KCNQ1: variants seen among roughly 807,000 people sequenced by gnomAD.
KCNQ1 encodes the protein potassium voltage-gated channel subfamily KQT member 1.
A neutral mutation model predicts 72.4 loss-of-function variants in KCNQ1; 49 were observed. That is an observed-to-expected ratio of 0.68 (90% CI 0.54 to 0.86). The LOEUF (loss-of-function observed/expected upper bound fraction) is 0.86, where lower values mean the gene tolerates loss of function less well. Ranked by LOEUF, KCNQ1 falls within the 40% of genes least tolerant of loss-of-function variation. The probability of loss-of-function intolerance (pLI) is 0.00; values close to 1 mark genes in which losing one functional copy is unlikely to be tolerated. For missense variants in KCNQ1, 790 were observed against 945.1 expected (o/e 0.84, Z 2.15); for synonymous variants, 450 against 412.6 (o/e 1.09, Z -1.10).
intron 1 of KCNQ1, among the ~76,000 whole-genome samples, chr11:2,456,804 G>T (rs372109740): frequency 0.01 from 1,475 of 144,854 alleles, 33 homozygotes; most frequent in African/African-American, 0.032. Flanking sequence ...CCGGGCGTGG[G>T]GGTGGGCGCC....
At position 2,486,323 on chromosome 11, in the gene KCNQ1, T is replaced by C. The variant is rs1398995477; in HGVS notation, c.386+40839T>C. The stretch of plus-strand genomic sequence containing the variant: ...TTGGAGAATATCTCCTCAGCTCTTT[T>C]GCCCACTTCATTAAATTGAGAGGTT... On this transcript the variant is annotated intron_variant, in intron 1 of 15. Coordinates refer to ENST00000155840, the MANE Select transcript of KCNQ1 (RefSeq NM_000218.3). This position sits in a 1 kb window ranked among gnomAD's most constrained non-coding sequence, Gnocchi z 5.0. Among the ~76,000 whole-genome samples, 1 of 152,242 alleles carries C rather than the reference T, an allele frequency of 6.6e-6. No individual in the cohort carries two copies. Among genetic ancestry groups the C allele is most frequent in the Non-Finnish European group, 1.5e-5 (1 of 68,036 alleles).
Position 2,642,630 on chromosome 11 carries a change from G to T in KCNQ1, c.1394-19331G>T, listed in dbSNP as rs1049096120. The T allele has an allele frequency of 1.1e-4, 43 of 397,452 alleles. No homozygotes were observed. The highest frequency in any genetic ancestry group is 8.5e-4 in the African/African-American group (41 of 48,510). 24.6% of individuals were successfully genotyped at this position (397,452 alleles called of 1,614,324 possible). ...TCAAAAACCGATTTTGCATTTCATTGATCCTTTATATTTATTTAGTTTCTT... is the reference window on the plus strand; with the variant it reads ...TCAAAAACCGATTTTGCATTTCATTTATCCTTTATATTTATTTAGTTTCTT... On this transcript the variant is annotated intron_variant, in intron 10 of 15. Transcript: ENST00000155840. The surrounding 1 kb of genome is among the most constrained non-coding windows in gnomAD (Gnocchi z 4.3).
chr11:2,570,291 C>T (rs1295981731), intron 2 of KCNQ1, among the ~76,000 whole-genome samples: 3 of 151,410 alleles, frequency 2.0e-5, no homozygotes, highest in Non-Finnish European at 2.9e-5. Context: ...TGGCGTCGGA[C>T]GCCCTCTGGC....
At position 2,642,040 on chromosome 11, in the gene KCNQ1, T is replaced by A; in HGVS notation, c.1394-19921T>A. The A allele has an allele frequency of 2.5e-6, 1 of 398,344 alleles. No homozygotes were observed. Among genetic ancestry groups the A allele is most frequent in the Non-Finnish European group, 4.4e-6 (1 of 225,866 alleles). The allele number at this position is 398,344 out of a possible 1,614,324, so 24.7% of individuals were successfully genotyped here. On this transcript the variant is annotated intron_variant, in intron 10 of 15. Transcript: ENST00000155840. The surrounding 1 kb of genome is among the most constrained non-coding windows in gnomAD (Gnocchi z 4.3). ...TTTTAATGCTATAGCCTTATATTTT[T>A]AAATCAGGCAGTGTGATGCATCCAA...
chr11:2,653,980 C>T lies in KCNQ1; in HGVS notation c.1394-7981C>T, dbSNP rs753978151. 1.3e-5 allele frequency: 5 copies of T among 398,586 alleles called. No homozygotes were observed. The highest frequency in any genetic ancestry group is 2.2e-5 in the Non-Finnish European group (5 of 226,096). The allele number at this position is 398,586 out of a possible 1,614,324, so 24.7% of individuals were successfully genotyped here. A position where few individuals can be genotyped will look rare whatever the true frequency, so the allele number is the denominator to read the frequency against. ...GTGTCCACTCAAGCAAGGTATTTTC[C>T]TAAGCGGAACTGGGTGCCAGCTGTG... On this transcript the variant is annotated intron_variant, in intron 10 of 15. Transcript: ENST00000155840. This position sits in a 1 kb window ranked among gnomAD's most constrained non-coding sequence, Gnocchi z 5.3.
At chr11:2,777,642 G>A in intron 14 of KCNQ1, 3 of 587,664 alleles carry the variant, frequency 5.1e-6, no homozygotes, top group East Asian at 2.8e-5. Context: ...CCCCCAGCCT[G>A]GAGTCAGGCC....
chr11:2,700,452 G>A (rs1850786415), intron 11 of KCNQ1, among the ~76,000 whole-genome samples: 1 of 152,116 alleles, frequency 6.6e-6, no homozygotes, highest in African/African-American at 2.4e-5. Context: ...GCCTGTGGGC[G>A]TCCAGGCCAC....
intron 11 of KCNQ1, chr11:2,699,487 G>GGGAGAGTGCCGCGCTGAGGAGCCCCCA (rs562085347): frequency 3.2e-5 from 13 of 402,800 alleles, no homozygotes; most frequent in Middle Eastern, 1.2e-3. Flanking sequence ...GGAGCCCCCG[G>GGGAGAGTGCCGCGCTGAGGAGCCCCCA]GGAGAGTGCC....
At chr11:2,520,246 G>A (rs990615208) in intron 1 of KCNQ1, among the ~76,000 whole-genome samples, 11 of 152,244 alleles carry the variant, frequency 7.2e-5, no homozygotes, top group African/African-American at 2.4e-4. Context: ...GGGACCAGAC[G>A]TGCCTCACCA....
rs922698302 is a variant in KCNQ1, at chr11:2,848,010, GA to G, written c.*8del. On this transcript the variant is annotated 3_prime_UTR_variant, in exon 16 of 16. Transcript: ENST00000155840. ...CCCCGATGAGGGGTCCTGAGGAGGG[GA>G]TGGGGCTGGGGGATGGGCCTGAGTG... 20 of 1,538,392 alleles carry G rather than the reference GA, an allele frequency of 1.3e-5. No homozygotes were observed. Among genetic ancestry groups the G allele is most frequent in the Non-Finnish European group, 1.7e-5 (19 of 1,140,720 alleles).
At position 2,735,243 on chromosome 11, in the gene KCNQ1, G is replaced by T. The variant is rs1465662291; in HGVS notation, c.1515-33601G>T. On this transcript the variant is annotated intron_variant, in intron 11 of 15. Coordinates refer to ENST00000155840, the MANE Select transcript of KCNQ1 (RefSeq NM_000218.3). The surrounding 1 kb of genome is among the most constrained non-coding windows in gnomAD (Gnocchi z 7.7). ...GGTGACCCCCTATGAGACGCCACTT[G>T]CCCTGAGGCCCTGGGGGACAGCCTG... 1.3e-5 allele frequency among the ~76,000 whole-genome samples: 2 copies of T among 152,154 alleles called. No individual in the cohort carries two copies. Among genetic ancestry groups the T allele is most frequent in the South Asian group, 2.1e-4 (1 of 4,832 alleles).
In KCNQ1 at chr11:2,752,249, A is replaced by C. The variant is rs1226937662; in HGVS notation, c.1515-16595A>C. On this transcript the variant is annotated intron_variant, in intron 11 of 15. Transcript: ENST00000155840. This position sits in a 1 kb window ranked among gnomAD's most constrained non-coding sequence, Gnocchi z 5.2. ...TTAGCTTCACAGGTGATCTGAACCCAGCTGAGTGGCTTCCATGGAGCTGAT... is the reference window on the plus strand; with the variant it reads ...TTAGCTTCACAGGTGATCTGAACCCCGCTGAGTGGCTTCCATGGAGCTGAT... Among the ~76,000 whole-genome samples the C allele has an allele frequency of 2.6e-5, 4 of 151,434 alleles. No individual in the cohort carries two copies. The highest frequency in any genetic ancestry group is 9.8e-5 in the African/African-American group (4 of 40,750).
chr11:2,776,295 G>C (rs937162677), intron 13 of KCNQ1, among the ~76,000 whole-genome samples: 2 of 152,122 alleles, frequency 1.3e-5, no homozygotes, highest in African/African-American at 4.8e-5. Context: ...GAGATGATGG[G>C]GGAATTGGGG....
chr11:2,648,828 G>C (rs1468840722), intron 10 of KCNQ1: 1 of 398,184 alleles, frequency 2.5e-6, no homozygotes, highest in African/African-American at 2.1e-5. Flanking sequence ...AACTATTATT[G>C]TATTGGGGTC....
chr11:2,696,032 T>C (rs1176709111), intron 11 of KCNQ1: 15 of 398,500 alleles, frequency 3.8e-5, no homozygotes, highest in Admixed American at 1.8e-4. Flanking sequence ...AAAACGCAAA[T>C]TGTTTCCTTA....
chr11:2,737,007 A>G (rs1252968137), intron 11 of KCNQ1, among the ~76,000 whole-genome samples: 1 of 152,192 alleles, frequency 6.6e-6, no homozygotes, highest in Non-Finnish European at 1.5e-5. Flanking sequence ...GCCCCTCGCC[A>G]GCACTCCCTG....
At position 2,802,683 on chromosome 11, in the gene KCNQ1, C is replaced by T. The variant is rs572662115; in HGVS notation, c.1794+24646C>T. On this transcript the variant is annotated intron_variant, in intron 15 of 15. Coordinates refer to ENST00000155840, the MANE Select transcript of KCNQ1 (RefSeq NM_000218.3). ...TTCTCCCGGTCAAACCCCTAGATGACACTCACTGGGGAACAGAGGGGCTGG... is the reference window on the plus strand; with the variant it reads ...TTCTCCCGGTCAAACCCCTAGATGATACTCACTGGGGAACAGAGGGGCTGG... Among the ~76,000 whole-genome samples, 312 of 152,292 alleles carry T rather than the reference C, an allele frequency of 2.0e-3. 1 individual carries two copies. Among genetic ancestry groups the T allele is most frequent in the African/African-American group, 7.1e-3 (295 of 41,548 alleles).
chr11:2,522,227 C>T (rs1197698151), intron 1 of KCNQ1, among the ~76,000 whole-genome samples: 1 of 151,976 alleles, frequency 6.6e-6, no homozygotes, highest in African/African-American at 2.4e-5. Context: ...ACCACGCCCT[C>T]TTGGGAGCTC....
At position 2,481,294 on chromosome 11, in the gene KCNQ1, A is replaced by T. The variant is rs567792240; in HGVS notation, c.386+35810A>T. The stretch of plus-strand genomic sequence containing the variant: ...TTAAAGAAGAAAAGTAAAATGACTC[A>T]TCGTACCAAAAGCCAGAGATGCCAG... On this transcript the variant is annotated intron_variant, in intron 1 of 15. Coordinates refer to ENST00000155840, the MANE Select transcript of KCNQ1 (RefSeq NM_000218.3). This position sits in a 1 kb window ranked among gnomAD's most constrained non-coding sequence, Gnocchi z 4.6. Among the ~76,000 whole-genome samples the T allele has an allele frequency of 6.6e-6, 1 of 152,340 alleles. No individual in the cohort carries two copies. The highest frequency in any genetic ancestry group is 2.1e-4 in the South Asian group (1 of 4,826).
Sources: gnomAD v4.1 joint callset for allele counts (sites outside exome capture counted in the v4.1 genomes callset) on GRCh38, gnomAD v4.1.1 for gene constraint, Gnocchi (gnomAD v3.1) non-coding constraint, MANE v1.5 for transcripts, NCBI Gene and HGNC (gene_info 2026-07-23, HGNC 2026-07-21) for gene names.